DDR2: variants seen among roughly 807,000 people sequenced by gnomAD.
DDR2 encodes discoidin domain-containing receptor 2.
A neutral mutation model predicts 94.9 loss-of-function variants in DDR2; 27 were observed. The observed-to-expected ratio is 0.28, with a 90% CI of 0.21 to 0.39. The LOEUF (loss-of-function observed/expected upper bound fraction) is 0.39. Among genes scored for constraint, DDR2 ranks in the 10% least tolerant of loss-of-function variants. The pLI is 1.00. For missense variants in DDR2, 783 were observed against 1,076.0 expected (o/e 0.73, Z 3.81); for synonymous variants, 382 against 377.2 (o/e 1.01, Z -0.15).
chr1:162,714,519 T>C (rs987925860), intron 2 of DDR2, among the ~76,000 whole-genome samples: 4 of 152,224 alleles, frequency 2.6e-5, no homozygotes. Context: ...CACCTTCTCA[T>C]GTAGTACATT....
At chr1:162,770,225 G>A (rs1664195057) in intron 11 of DDR2, 77 bp from the exon 12 acceptor site, 1 of 1,373,424 alleles carries the variant, frequency 7.3e-7, no homozygotes. Flanking sequence ...TTGAGTGGGA[G>A]AGCTGAGTTT....
upstream of DDR2, chr1:162,631,874 A>G (rs1253191243): frequency 2.0e-5 from 3 of 152,134 alleles, no homozygotes; most frequent in South Asian, 2.1e-4. Flanking sequence ...AATTGAGTGG[A>G]AAAAAATAGG....
At chr1:162,767,574 C>T (rs369599946) in intron 11 of DDR2, among the ~76,000 whole-genome samples, 22 of 152,092 alleles carry the variant, frequency 1.4e-4, no homozygotes, top group Admixed American at 5.2e-4. Flanking sequence ...TAACGTTCCT[C>T]GGAAATGCAG....
chr1:162,761,394 A>C lies in DDR2; in HGVS notation c.1039A>C (p.Lys347Gln). ...CCACCACCGAATGGCCAGTGCCATCAAGTGTCAATACCATTTTGCAGATAC... is the reference window on the plus strand; with the variant it reads ...CCACCACCGAATGGCCAGTGCCATCCAGTGTCAATACCATTTTGCAGATAC... ...PLHHRMASAIKCQYHFADTWM... is the reference protein window; with the variant it reads ...PLHHRMASAIQCQYHFADTWM... Residue 347 changes from lysine (K) to glutamine (Q), a missense_variant, in exon 9 of 18, where the codon AAG (lysine) becomes CAG (glutamine). By Grantham distance (53) the Lys-to-Gln change is moderately conservative (BLOSUM62 1). Transcript: ENST00000367921. The C allele has an allele frequency of 6.2e-7, 1 of 1,614,198 alleles. No individual in the cohort carries two copies. Among genetic ancestry groups the C allele is most frequent in the South Asian group, 1.1e-5 (1 of 91,080 alleles).
At chr1:162,712,907 C>T (rs1214464832) in intron 2 of DDR2, among the ~76,000 whole-genome samples, 1 of 152,136 alleles carries the variant, frequency 6.6e-6, no homozygotes, top group East Asian at 1.9e-4. Context: ...AGATCCTTGA[C>T]CTTCAATGAC....
intron 17 of DDR2, 24 bp downstream of exon 17, chr1:162,778,753 G>A (rs2102207479): frequency 1.2e-6 from 2 of 1,613,634 alleles, no homozygotes; most frequent in East Asian, 2.2e-5. Flanking sequence ...GGGATGAATG[G>A]ATGTGGACCT....
At chr1:162,703,254 T>C (rs1660510839) in intron 2 of DDR2, among the ~76,000 whole-genome samples, 1 of 152,210 alleles carries the variant, frequency 6.6e-6, no homozygotes, top group South Asian at 2.1e-4. Flanking sequence ...ATATTTGGCA[T>C]TGTGAAAATG....
chr1:162,683,164 A>G (rs1659496353), intron 2 of DDR2, among the ~76,000 whole-genome samples: 1 of 152,172 alleles, frequency 6.6e-6, no homozygotes, highest in Non-Finnish European at 1.5e-5. Flanking sequence ...CTTAAAAAAA[A>G]CTCTCGGCAA....
chr1:162,771,531 T>G (rs1647213626), intron 12 of DDR2, among the ~76,000 whole-genome samples: 1 of 152,246 alleles, frequency 6.6e-6, no homozygotes, highest in South Asian at 2.1e-4. Flanking sequence ...TGAATGGAAG[T>G]AATTTACCTA....
At chr1:162,676,932 T>C (rs1267567489) in intron 2 of DDR2, among the ~76,000 whole-genome samples, 1 of 152,224 alleles carries the variant, frequency 6.6e-6, no homozygotes, top group African/African-American at 2.4e-5. Context: ...TTTTCTATTT[T>C]CTTTATAGTG....
intron 2 of DDR2, among the ~76,000 whole-genome samples, chr1:162,713,524 G>T (rs963621848): frequency 6.6e-6 from 1 of 152,156 alleles, no homozygotes; most frequent in Non-Finnish European, 1.5e-5. Context: ...TGTCAGCATG[G>T]TGTTTAATCT....
intron 2 of DDR2, among the ~76,000 whole-genome samples, chr1:162,694,075 C>T (rs1660075914): frequency 6.6e-6 from 1 of 152,158 alleles, no homozygotes; most frequent in South Asian, 2.1e-4. Context: ...GGGGTTTCAC[C>T]ATGTTGGCCA....
In DDR2 at chr1:162,709,144, G is replaced by A. The variant is rs57292083; in HGVS notation, c.-27-9893G>A. Among the ~76,000 whole-genome samples, 1,054 of 152,246 alleles carry A rather than the reference G, an allele frequency of 6.9e-3. 9 individuals are homozygous for A. Among genetic ancestry groups the A allele is most frequent in the East Asian group, 0.034 (176 of 5,182 alleles). The stretch of plus-strand genomic sequence containing the variant: ...CAGGTGCATGACACTGGTGAGAGGT[G>A]GGAGACAGGACTCAAACCCAGCAAG... On this transcript the variant is annotated intron_variant, in intron 2 of 17. Coordinates refer to ENST00000367921, the MANE Select transcript of DDR2 (RefSeq NM_006182.4).
At position 162,780,515 on chromosome 1, in the gene DDR2, T is replaced by C. The variant is rs1166991060; in HGVS notation, c.*269T>C. ...AAAGAAAATCTTTGATATACCAAAGTGTTGGATAACAAAGGCTAGAAAATT... is the reference window on the plus strand; with the variant it reads ...AAAGAAAATCTTTGATATACCAAAGCGTTGGATAACAAAGGCTAGAAAATT... On this transcript the variant is annotated 3_prime_UTR_variant, in exon 18 of 18. Transcript: ENST00000367921. 1 of 423,772 alleles carries C rather than the reference T, an allele frequency of 2.4e-6. No individual in the cohort carries two copies. 26.3% of individuals were successfully genotyped at this position (423,772 alleles called of 1,614,324 possible). A position where few individuals can be genotyped will look rare whatever the true frequency, so the allele number is the denominator to read the frequency against.
chr1:162,765,979 A>T, intron 9 of DDR2, 22 bp from the exon 10 acceptor site: 5 of 1,613,304 alleles, frequency 3.1e-6, no homozygotes, highest in Non-Finnish European at 4.2e-6. Flanking sequence ...CCTGGCTCTG[A>T]CTCACCCTTG....
chr1:162,774,872 T>C (rs1343620412), intron 14 of DDR2, among the ~76,000 whole-genome samples: 2 of 152,172 alleles, frequency 1.3e-5, no homozygotes, highest in Non-Finnish European at 2.9e-5. Flanking sequence ...GTGGTTTATA[T>C]TGACGTAGTA....
At chr1:162,672,926 G>A (rs1658941180) in intron 2 of DDR2, among the ~76,000 whole-genome samples, 1 of 152,106 alleles carries the variant, frequency 6.6e-6, no homozygotes, top group Non-Finnish European at 1.5e-5. Context: ...TCATACAAAT[G>A]ATTTCTGGGA....
intron 2 of DDR2, among the ~76,000 whole-genome samples, chr1:162,669,816 AC>A (rs1200454759): frequency 1.8e-4 from 28 of 152,308 alleles, no homozygotes; most frequent in Admixed American, 7.8e-4. Context: ...GTCAGGAGTC[AC>A]CAGCCCATTT....
intron 2 of DDR2, among the ~76,000 whole-genome samples, chr1:162,718,430 A>G (rs1282090081): frequency 6.6e-6 from 1 of 152,236 alleles, no homozygotes; most frequent in East Asian, 1.9e-4. Context: ...CCAGGCATAT[A>G]CACATATCTA....
Sources: gnomAD v4.1 joint callset for allele counts (sites outside exome capture counted in the v4.1 genomes callset) on GRCh38, gnomAD v4.1.1 for gene constraint, MANE v1.5 for transcripts, NCBI Gene and HGNC (gene_info 2026-07-23, HGNC 2026-07-21) for gene names.